The following ACACB variants were observed in gnomAD, a reference collection of about 807,000 sequenced individuals.
The protein encoded by ACACB is acetyl-CoA carboxylase 2.
In ACACB, 209 loss-of-function variants were observed where a neutral mutation model predicts 278.8. The ratio of observed to expected loss-of-function variants is 0.75; its 90% CI spans 0.67 to 0.84. The LOEUF (loss-of-function observed/expected upper bound fraction) is 0.84, where lower values mean the gene tolerates loss of function less well. ACACB is among the 40% of genes least tolerant of loss of function. ACACB has a pLI of 0.00. For missense variants in ACACB, 2,850 were observed against 3,269.0 expected (o/e 0.87, Z 3.13); for synonymous variants, 1,174 against 1,285.6 (o/e 0.91, Z 1.86).
At chr12:109,242,795 A>G (rs376077863) in intron 37 of ACACB, 35 of 571,886 alleles carry the variant, frequency 6.1e-5, no homozygotes, top group Non-Finnish European at 9.6e-5. Flanking sequence ...GAAGAACCCC[A>G]TCTCTACAAA....
At chr12:109,216,989 G>C in intron 24 of ACACB, 69 bp downstream of exon 24, 1 of 1,554,308 alleles carries the variant, frequency 6.4e-7, no homozygotes, top group Non-Finnish European at 8.7e-7. Flanking sequence ...TTCTTAAAAG[G>C]GCCAGAAAGT....
intron 16 of ACACB, among the ~76,000 whole-genome samples, chr12:109,196,128 T>A (rs2284694): frequency 6.6e-6 from 1 of 151,892 alleles, no homozygotes; most frequent in Non-Finnish European, 1.5e-5. Context: ...GAGAGAAAAC[T>A]GAACTGAAGT....
intron 18 of ACACB, among the ~76,000 whole-genome samples, chr12:109,200,600 G>T: frequency 6.6e-6 from 1 of 152,156 alleles, no homozygotes; most frequent in East Asian, 1.9e-4. Context: ...CATGTGGCAG[G>T]TGCTGTTCTA....
chr12:109,242,663 C>T, intron 37 of ACACB, 71 bp downstream of exon 37: 1 of 1,534,240 alleles, frequency 6.5e-7, no homozygotes, highest in Non-Finnish European at 8.9e-7. Flanking sequence ...CAAAGCCCAT[C>T]CTTAATTCTC....
intron 9 of ACACB, 151 bp from the exon 10 acceptor site, chr12:109,178,937 G>A: frequency 1.3e-6 from 1 of 778,304 alleles, no homozygotes; most frequent in East Asian, 2.7e-5. Context: ...TATTATGTCT[G>A]TGAGACAACA....
At position 109,253,023 on chromosome 12, in the gene ACACB, A is replaced by G; in HGVS notation, c.5910A>G (p.Gly1970=). The change falls in exon 43 of 53, where the codon GGA becomes GGG. Residue 1970 remains glycine, a synonymous_variant. Coordinates refer to ENST00000338432, the MANE Select transcript of ACACB (RefSeq NM_001093.4). ...TGASALNKVL[G]REVYTSNNQL... ...ATGTTGTGTCAAAGCAGGTCCTGGG[A>G]AGAGAGGTCTACACATCCAACAACC... The G allele has an allele frequency of 1.2e-6, 2 of 1,607,398 alleles. No individual in the cohort carries two copies. The highest frequency in any genetic ancestry group is 1.7e-6 in the Non-Finnish European group (2 of 1,176,474).
intron 2 of ACACB, among the ~76,000 whole-genome samples, chr12:109,159,263 T>C (rs186961588): frequency 9.5e-4 from 145 of 152,354 alleles, no homozygotes; most frequent in Admixed American, 2.5e-3. Context: ...GAAGTAGTTG[T>C]AATTACAGAA....
At chr12:109,224,679 C>T (rs1204573404) in intron 27 of ACACB, among the ~76,000 whole-genome samples, 19 of 151,648 alleles carry the variant, frequency 1.3e-4, no homozygotes, top group Admixed American at 1.1e-3. Context: ...CTACAGGCGC[C>T]CACCACCACA....
chr12:109,162,569 G>A (rs2043762492), intron 2 of ACACB, among the ~76,000 whole-genome samples: 1 of 152,134 alleles, frequency 6.6e-6, no homozygotes, highest in South Asian at 2.1e-4. Flanking sequence ...GGTACATATA[G>A]AGGGTCTTGG....
intron 21 of ACACB, among the ~76,000 whole-genome samples, chr12:109,212,446 G>C (rs2045876225): frequency 6.6e-6 from 1 of 152,098 alleles, no homozygotes; most frequent in African/African-American, 2.4e-5. Context: ...AGAGCCCCAG[G>C]CTTGTTTTCC....
chr12:109,166,196 C>T lies in ACACB; in HGVS notation c.654-665C>T, dbSNP rs973604410. Among the ~76,000 whole-genome samples the T allele has an allele frequency of 5.3e-5, 8 of 152,198 alleles. No individual in the cohort carries two copies. In the South Asian group the frequency reaches 1.0e-3, roughly 20 times the overall value. ...ATTAATACCATGTAACAAGTCGGAACGATTAGAATGTGTGGACTTCTTCCC... is the reference window on the plus strand; with the variant it reads ...ATTAATACCATGTAACAAGTCGGAATGATTAGAATGTGTGGACTTCTTCCC... On this transcript the variant is annotated intron_variant, in intron 2 of 52. Coordinates refer to ENST00000338432, the MANE Select transcript of ACACB (RefSeq NM_001093.4).
chr12:109,143,995 T>C (rs929428936), intron 2 of ACACB, among the ~76,000 whole-genome samples: 3 of 151,820 alleles, frequency 2.0e-5, no homozygotes, highest in Non-Finnish European at 2.9e-5. Context: ...AATGAGACCC[T>C]GTCTCTACAA....
chr12:109,195,203 C>G (rs2045075177), intron 16 of ACACB, among the ~76,000 whole-genome samples: 1 of 152,180 alleles, frequency 6.6e-6, no homozygotes, highest in South Asian at 2.1e-4. Flanking sequence ...AGGCTGTGTC[C>G]CCTGTAAGCC....
chr12:109,265,021 C>T (rs2047476133), intron 50 of ACACB, 89 bp from the exon 51 acceptor site: 1 of 1,435,824 alleles, frequency 7.0e-7, no homozygotes. Context: ...TGGGCCCAGC[C>T]CCGGGCAGCC....
Position 109,242,487 on chromosome 12 carries a change from G to C in ACACB, c.5073G>C (p.Leu1691=). Residue 1691 remains leucine, a synonymous_variant, in exon 37 of 53, where the codon CTG becomes CTC. Transcript: ENST00000338432. ...GNKQGPQHGM[L]INTPYVTKDL... ...AGCAAGGGCCCCAGCACGGGATGCTGATCAATACTCCCTACGTCACCAAGG... is the reference window on the plus strand; with the variant it reads ...AGCAAGGGCCCCAGCACGGGATGCTCATCAATACTCCCTACGTCACCAAGG... 1 of 1,614,132 alleles carries C rather than the reference G, an allele frequency of 6.2e-7. No homozygotes were observed. Among genetic ancestry groups the C allele is most frequent in the Non-Finnish European group, 8.5e-7 (1 of 1,180,006 alleles).
At chr12:109,178,576 A>G (rs1471740627) in intron 9 of ACACB, among the ~76,000 whole-genome samples, 1 of 152,264 alleles carries the variant, frequency 6.6e-6, no homozygotes, top group Non-Finnish European at 1.5e-5. Context: ...TTGACTTAAA[A>G]AAGAGAATAT....
rs540568889 is a variant in ACACB at position 109,165,973 on chromosome 12, A to C, written c.654-888A>C. On this transcript the variant is annotated intron_variant, in intron 2 of 52. Transcript: ENST00000338432. ...TGTTTTGTTGTTAAACATTTAAAAA[A>C]TTGTTTTCAGTTTTCTAAAGAAATT... 3.3e-5 allele frequency among the ~76,000 whole-genome samples: 5 copies of C among 152,296 alleles called. No individual in the cohort carries two copies. The East Asian group carries it at 9.6e-4, about 29-fold the overall frequency.
intron 21 of ACACB, among the ~76,000 whole-genome samples, chr12:109,210,463 A>G (rs114835752): frequency 2.0e-4 from 26 of 129,994 alleles, no homozygotes; most frequent in African/African-American, 7.8e-4. Flanking sequence ...ATGTATATAT[A>G]CGCACATACA....
Position 109,259,840 on chromosome 12 carries a change from T to C in ACACB, c.6497-640T>C, listed in dbSNP as rs192089346. Among the ~76,000 whole-genome samples, 188 of 152,260 alleles carry C rather than the reference T, an allele frequency of 1.2e-3. 2 individuals carry two copies. Among genetic ancestry groups the C allele is most frequent in the African/African-American group, 4.4e-3 (184 of 41,550 alleles). Reference sequence around the variant, plus strand: ...GCATGTTTTGGGAGAGAGTGGCTGTTGGATCACTGGGGTGTTGAGGACAGA... The same window carrying C: ...GCATGTTTTGGGAGAGAGTGGCTGTCGGATCACTGGGGTGTTGAGGACAGA... On this transcript the variant is annotated intron_variant, in intron 47 of 52. Transcript: ENST00000338432.
Sources: allele counts gnomAD v4.1 joint callset (sites outside exome capture counted in the v4.1 genomes callset), GRCh38; gene constraint gnomAD v4.1.1; transcripts MANE v1.5; gene names NCBI Gene and HGNC (gene_info 2026-07-23, HGNC 2026-07-21).